The following DARS1 variants were observed in gnomAD, a reference collection of about 807,000 sequenced individuals.
DARS1 encodes the protein aspartyl-tRNA synthetase 1, also known as aspartate--tRNA ligase, cytoplasmic.
In DARS1, 51 loss-of-function variants were observed where a neutral mutation model predicts 68.8. The observed-to-expected ratio is 0.74, with a 90% CI of 0.59 to 0.94. The LOEUF (loss-of-function observed/expected upper bound fraction) is 0.94. DARS1 is among the 40% of genes least tolerant of loss of function. The pLI is 0.00. For synonymous variants in DARS1, 203 were observed against 190.4 expected (o/e 1.07, Z -0.55); for missense variants, 607 against 597.3 (o/e 1.02, Z -0.17).
rs77147958 is a variant in DARS1 at position 135,948,084 on chromosome 2, G to A, written c.321-4604C>T. Among the ~76,000 whole-genome samples the A allele has an allele frequency of 1.6e-3, 250 of 152,070 alleles. 1 individual carries two copies. The highest frequency in any genetic ancestry group is 3.1e-3 in the South Asian group (15 of 4,820). On this transcript the variant is annotated intron_variant, in intron 4 of 15. Transcript: ENST00000264161. ...ATTTCTGACAGCAGATTTTAGACCC[G>A]TTTTTTTTCTTAGCACACCTTTAGC... is the stretch of plus-strand genomic sequence containing the variant.
intron 4 of DARS1, among the ~76,000 whole-genome samples, chr2:135,959,901 T>C (rs1260920849): frequency 1.3e-5 from 2 of 152,178 alleles, no homozygotes; most frequent in East Asian, 3.8e-4. Context: ...ATACAAAAGT[T>C]GTTTGTTGAT....
chr2:135,916,278 A>G lies in DARS1; in HGVS notation c.1054T>C (p.Leu352=), dbSNP rs1172993791. 6.4e-7 allele frequency: 1 copy of G among 1,573,328 alleles called. No individual in the cohort carries two copies. Among genetic ancestry groups the G allele is most frequent in the Non-Finnish European group, 8.8e-7 (1 of 1,142,716 alleles). ...ACTCCAGCTTCCCTAAGCATAGCCA[A>G]TGCTTCACAATATTCTAGTCTTAGA... ...PTLRLEYCEA[L]AMLREAGVEM... is the part of the protein sequence containing the mutation. The change falls in exon 11 of 16, where the codon TTG becomes CTG. Residue 352 remains leucine, a synonymous_variant. Transcript: ENST00000264161.
Position 135,916,271 on chromosome 2 carries a change from A to G in DARS1, c.1061T>C (p.Met354Thr), listed in dbSNP as rs1351653019. The change falls in exon 11 of 16, where the codon ATG becomes ACG. Residue 354 changes from methionine (M) to threonine (T), a missense_variant. By Grantham distance (81) the Met-to-Thr change is moderately conservative. Transcript: ENST00000264161. ...CATTTCGACTCCAGCTTCCCTAAGC[A>G]TAGCCAATGCTTCACAATATTCTAG... ...LRLEYCEALA[M>T]LREAGVEMGD... 5 of 1,585,406 alleles carry G rather than the reference A, an allele frequency of 3.2e-6. No individual in the cohort carries two copies. In the African/African-American group the frequency reaches 6.7e-5, roughly 21 times the overall value.
chr2:135,961,101 A>G (rs762126096), intron 4 of DARS1, among the ~76,000 whole-genome samples: 2 of 152,178 alleles, frequency 1.3e-5, no homozygotes, highest in Non-Finnish European at 2.9e-5. Flanking sequence ...ACAACAAAAT[A>G]AAGTTGCTCT....
chr2:135,933,904 T>C lies in DARS1; in HGVS notation c.504+6A>G. The C allele has an allele frequency of 6.2e-7, 1 of 1,611,726 alleles. No individual in the cohort carries two copies. Among genetic ancestry groups the C allele is most frequent in the Non-Finnish European group, 8.5e-7 (1 of 1,178,620 alleles). ...AAGCATAATATTTCATAAGTATAAT[T>C]TTTACCTCTTCTCCTTCTGCCTCAG... On this transcript the variant is annotated splice_donor_region_variant and intron_variant, in intron 6 of 15. Transcript: ENST00000264161.
intron 5 of DARS1, among the ~76,000 whole-genome samples, chr2:135,937,234 A>G (rs1575392510): frequency 6.6e-6 from 1 of 152,016 alleles, no homozygotes; most frequent in South Asian, 2.1e-4. Context: ...GATTGCATGC[A>G]CCTGCCACCA....
intron 4 of DARS1, among the ~76,000 whole-genome samples, chr2:135,946,973 G>C (rs1681737393): frequency 1.3e-5 from 2 of 152,070 alleles, no homozygotes; most frequent in Admixed American, 6.5e-5. Context: ...GTAGAGACAG[G>C]GTTTCATCAT....
At chr2:135,924,359 A>AAATT (rs1174628302) in intron 8 of DARS1, 28 bp downstream of exon 8, 1 of 1,557,130 alleles carries the variant, frequency 6.4e-7, no homozygotes, top group African/African-American at 1.4e-5. Flanking sequence ...TTATTTTTAA[A>AAATT]AATTAAGAGA....
chr2:135,962,877 T>G (rs1682130253), intron 3 of DARS1, among the ~76,000 whole-genome samples: 1 of 152,158 alleles, frequency 6.6e-6, no homozygotes. Context: ...CACAGCCACG[T>G]TACCCCACTT....
chr2:135,918,688 T>C (rs1681052759), intron 10 of DARS1, among the ~76,000 whole-genome samples: 2 of 147,064 alleles, frequency 1.4e-5, no homozygotes, highest in Admixed American at 1.4e-4. Context: ...AGTGGAAATG[T>C]CAAACTCTAT....
At position 135,943,446 on chromosome 2, in the gene DARS1, C is replaced by T. The variant is rs1266149363; in HGVS notation, c.355G>A (p.Val119Ile). ...ATTTTCTGATTCACTTTTCTCACAA[C>T]ACCTTCTACATCCACAATGCTCTCT... ...NKESIVDVEG[V>I]VRKVNQKIGS... Residue 119 changes from valine (V) to isoleucine (I), a missense_variant, in exon 5 of 16, where the codon GTT (valine) becomes ATT (isoleucine). By Grantham distance (29) the Val-to-Ile change is conservative. Coordinates refer to ENST00000264161, the MANE Select transcript of DARS1 (RefSeq NM_001349.4). 3.1e-6 allele frequency: 5 copies of T among 1,613,638 alleles called. No homozygotes were observed. Among genetic ancestry groups the T allele is most frequent in the Admixed American group, 3.3e-5 (2 of 59,998 alleles).
intron 7 of DARS1, among the ~76,000 whole-genome samples, chr2:135,927,935 T>G (rs1363784681): frequency 6.6e-6 from 1 of 152,190 alleles, no homozygotes; most frequent in Admixed American, 6.5e-5. Flanking sequence ...TTTATAGAAT[T>G]CCTTTCCCTG....
intron 8 of DARS1, 133 bp from the exon 9 acceptor site, chr2:135,923,051 T>C: frequency 4.7e-6 from 5 of 1,070,930 alleles, no homozygotes; most frequent in Non-Finnish European, 6.0e-6. Context: ...TGTGGCTAAA[T>C]CACAGTCTAT....
chr2:135,925,644 A>G (rs1264883241), intron 7 of DARS1, among the ~76,000 whole-genome samples: 1 of 152,234 alleles, frequency 6.6e-6, no homozygotes, highest in Admixed American at 6.5e-5. Context: ...AGTTTCTCAT[A>G]AAACAATAAA....
chr2:135,942,587 G>GTAT (rs1681626858), intron 5 of DARS1, among the ~76,000 whole-genome samples: 1 of 151,996 alleles, frequency 6.6e-6, no homozygotes, highest in African/African-American at 2.4e-5. Context: ...ACACCAACAT[G>GTAT]GCGCATGTAT....
At chr2:135,920,328 C>A in intron 10 of DARS1, 125 bp downstream of exon 10, 1 of 1,366,562 alleles carries the variant, frequency 7.3e-7, no homozygotes, top group Non-Finnish European at 9.6e-7. Flanking sequence ...GATCATCTAA[C>A]TGGTAAATCT....
At chr2:135,931,355 G>A (rs974082645) in intron 7 of DARS1, among the ~76,000 whole-genome samples, 1 of 152,126 alleles carries the variant, frequency 6.6e-6, no homozygotes, top group Non-Finnish European at 1.5e-5. Flanking sequence ...TCCTGCTTCA[G>A]CCTCCTGAGT....
At chr2:135,921,435 T>C (rs1681109024) in intron 9 of DARS1, among the ~76,000 whole-genome samples, 2 of 152,166 alleles carry the variant, frequency 1.3e-5, no homozygotes, top group Admixed American at 1.3e-4. Flanking sequence ...GTTGTCTATA[T>C]ATCCTACTTT....
chr2:135,946,352 A>G (rs995964280), intron 4 of DARS1, among the ~76,000 whole-genome samples: 2 of 152,194 alleles, frequency 1.3e-5, no homozygotes, highest in African/African-American at 4.8e-5. Context: ...GAATCCCACA[A>G]TCTTCCTTCA....
Sources: allele counts gnomAD v4.1 joint callset (sites outside exome capture counted in the v4.1 genomes callset), GRCh38; gene constraint gnomAD v4.1.1; transcripts MANE v1.5; gene names NCBI Gene and HGNC (gene_info 2026-07-23, HGNC 2026-07-21).